FANCI: variants seen among roughly 807,000 people sequenced by gnomAD.
FANCI encodes FA complementation group I.
FANCI carries 156 observed loss-of-function variants against 176.1 expected under a neutral mutation model. The observed-to-expected ratio is 0.89, with a 90% CI of 0.78 to 1.01. The LOEUF (loss-of-function observed/expected upper bound fraction) is 1.01. FANCI is among the 50% of genes least tolerant of loss of function. The probability of loss-of-function intolerance (pLI) is 0.00; values close to 1 mark genes in which losing one functional copy is unlikely to be tolerated. For synonymous variants in FANCI, 613 were observed against 541.7 expected, an observed-to-expected ratio of 1.13 and a Z score of -1.83; for missense variants, 1,678 against 1,534.1, an observed-to-expected ratio of 1.09 and a Z score of -1.57.
chr15:89,268,758 A>G (rs746666165), intron 10 of FANCI: 12 of 487,030 alleles, frequency 2.5e-5, no homozygotes, highest in African/African-American at 3.9e-5. Context: ...CAAGCCAGAA[A>G]GTTCTATTTA....
intron 14 of FANCI, among the ~76,000 whole-genome samples, 181 bp downstream of exon 14, chr15:89,278,955 TGTTA>T (rs1406550748): frequency 6.6e-6 from 1 of 152,220 alleles, no homozygotes; most frequent in Non-Finnish European, 1.5e-5. Flanking sequence ...AGGCTGTAGC[TGTTA>T]GTAAGGAAAG....
At chr15:89,305,806 T>G in intron 31 of FANCI, 108 bp downstream of exon 31, 1 of 1,259,786 alleles carries the variant, frequency 7.9e-7, no homozygotes, top group South Asian at 1.2e-5. Context: ...CTTATTTGCC[T>G]TTAAGCTAGA....
chr15:89,306,941 A>C (rs2054745112), intron 32 of FANCI, among the ~76,000 whole-genome samples: 1 of 152,196 alleles, frequency 6.6e-6, no homozygotes, highest in Non-Finnish European at 1.5e-5. Context: ...TAAATGCCTT[A>C]TAGATCAAAT....
intron 18 of FANCI, among the ~76,000 whole-genome samples, chr15:89,285,566 A>G (rs958878140): frequency 6.6e-6 from 1 of 152,218 alleles, no homozygotes; most frequent in Non-Finnish European, 1.5e-5. Context: ...GCAGTGAGCT[A>G]TGATCACACC....
At chr15:89,252,535 T>C (rs1303861349) in intron 2 of FANCI, among the ~76,000 whole-genome samples, 3 of 151,296 alleles carry the variant, frequency 2.0e-5, no homozygotes, top group Non-Finnish European at 4.4e-5. Context: ...AGGTGAGGAG[T>C]TCTAAACTAG....
chr15:89,279,804 T>A (rs1337954537), intron 14 of FANCI, among the ~76,000 whole-genome samples: 1 of 152,150 alleles, frequency 6.6e-6, no homozygotes. Flanking sequence ...TGTTTCTATC[T>A]TTTTATTCCC....
intron 27 of FANCI, among the ~76,000 whole-genome samples, chr15:89,302,231 G>A (rs1364096363): frequency 2.6e-5 from 4 of 152,238 alleles, no homozygotes; most frequent in East Asian, 3.9e-4. Context: ...GTATGAAGGC[G>A]TTTGGGCACT....
At chr15:89,259,967 C>T (rs1008883116) in intron 3 of FANCI, among the ~76,000 whole-genome samples, 2 of 152,192 alleles carry the variant, frequency 1.3e-5, no homozygotes, top group African/African-American at 4.8e-5. Flanking sequence ...TTTGTGCGGA[C>T]ATGTTTTCCT....
intron 35 of FANCI, among the ~76,000 whole-genome samples, chr15:89,314,060 C>CAT (rs753805508): frequency 6.8e-6 from 1 of 146,744 alleles, no homozygotes; most frequent in Non-Finnish European, 1.5e-5. Flanking sequence ...TAATCACAGA[C>CAT]ACACACACAC....
chr15:89,307,926 G>C, intron 34 of FANCI: 1 of 1,361,332 alleles, frequency 7.3e-7, no homozygotes, highest in South Asian at 1.5e-5. Context: ...GAAGGAACAA[G>C]CATGCTCAGG....
intron 27 of FANCI, among the ~76,000 whole-genome samples, chr15:89,301,922 C>T (rs1454706189): frequency 6.6e-6 from 1 of 152,108 alleles, no homozygotes; most frequent in Admixed American, 6.5e-5. Context: ...AACTATAGTC[C>T]CAAAGCAGAA....
intron 2 of FANCI, among the ~76,000 whole-genome samples, chr15:89,255,893 C>T (rs1456578121): frequency 6.6e-6 from 1 of 152,188 alleles, no homozygotes; most frequent in Non-Finnish European, 1.5e-5. Flanking sequence ...AGAAAATTAA[C>T]ATTCGTTGAG....
At chr15:89,264,089 T>G in intron 8 of FANCI, 63 bp downstream of exon 8, 3 of 1,584,524 alleles carry the variant, frequency 1.9e-6, no homozygotes, top group Non-Finnish European at 2.6e-6. Context: ...CCATTCAACT[T>G]ATTCATACCC....
At chr15:89,292,908 AG>A in intron 21 of FANCI, 33 bp from the exon 22 acceptor site, 1 of 1,614,126 alleles carries the variant, frequency 6.2e-7, no homozygotes, top group Non-Finnish European at 8.5e-7. Flanking sequence ...GGAGTTCTTT[AG>A]TAGCTTGTTA....
chr15:89,247,891 A>T (rs955469180), intron 2 of FANCI, among the ~76,000 whole-genome samples, 160 bp downstream of exon 2: 3 of 152,236 alleles, frequency 2.0e-5, no homozygotes, highest in Non-Finnish European at 4.4e-5. Context: ...ATGTAAAGAA[A>T]TTGGGGTGAG....
intron 17 of FANCI, 127 bp downstream of exon 17, chr15:89,283,377 T>G (rs1050833413): frequency 1.4e-6 from 2 of 1,391,648 alleles, no homozygotes; most frequent in African/African-American, 2.8e-5. Context: ...AGTCTGATGA[T>G]GATGATGGTG....
At chr15:89,256,559 C>G (rs1056823608) in intron 2 of FANCI, among the ~76,000 whole-genome samples, 1 of 152,208 alleles carries the variant, frequency 6.6e-6, no homozygotes, top group African/African-American at 2.4e-5. Context: ...TTCACTTTCT[C>G]CATTGTCTTT....
At chr15:89,297,802 TTTTTTG>T (rs933982049) in intron 24 of FANCI, among the ~76,000 whole-genome samples, 3 of 150,140 alleles carry the variant, frequency 2.0e-5, no homozygotes, top group Non-Finnish European at 4.4e-5. Context: ...GCTCGTTTGT[TTTTTTG>T]TTTTTGTTTT....
At chr15:89,271,270 T>A (rs2053190315) in intron 10 of FANCI, among the ~76,000 whole-genome samples, 1 of 152,198 alleles carries the variant, frequency 6.6e-6, no homozygotes, top group African/African-American at 2.4e-5. Context: ...TTTAGAACAT[T>A]TTTTATCACC....
Sources: allele counts gnomAD v4.1 joint callset (sites outside exome capture counted in the v4.1 genomes callset), GRCh38; gene constraint gnomAD v4.1.1; transcripts MANE v1.5; gene names NCBI Gene and HGNC (gene_info 2026-07-23, HGNC 2026-07-21).